Variants in PAEP observed in about 807,000 individuals in gnomAD.
PAEP encodes glycodelin.
In PAEP, 28 loss-of-function variants were observed where a neutral mutation model predicts 23.0. The observed-to-expected ratio is 1.22, with a 90% CI of 0.90 to 1.67. The LOEUF (loss-of-function observed/expected upper bound fraction) is 1.67, where lower values mean the gene tolerates loss of function less well. Ranked by LOEUF, PAEP falls within the 40% of genes most tolerant of loss-of-function variation. PAEP has a pLI of 0.00. For missense variants in PAEP, 209 were observed against 226.4 expected, an observed-to-expected ratio of 0.92 and a Z score of 0.49; for synonymous variants, 103 against 92.4, an observed-to-expected ratio of 1.12 and a Z score of -0.66.
intron 6 of PAEP, chr9:135,566,105 A>T (rs1316647264): frequency 2.4e-6 from 1 of 409,064 alleles, no homozygotes; most frequent in Non-Finnish European, 4.4e-6. Context: ...TAGGAGGAGG[A>T]AGGAGGATGG....
At chr9:135,565,677 C>T (rs1459456618) in intron 5 of PAEP, 108 bp from the exon 6 acceptor site, 2 of 1,424,760 alleles carry the variant, frequency 1.4e-6, no homozygotes, top group Non-Finnish European at 9.9e-7. Context: ...GAGGTGGGGT[C>T]CTGCCCTCTC....
intron 2 of PAEP, 111 bp downstream of exon 2, chr9:135,562,544 C>G: frequency 1.5e-6 from 2 of 1,332,504 alleles, no homozygotes; most frequent in Non-Finnish European, 2.1e-6. Context: ...CATTTTCTGA[C>G]AGCCAGGGGC....
chr9:135,564,037 C>T (rs917397955), intron 3 of PAEP, among the ~76,000 whole-genome samples: 3 of 152,232 alleles, frequency 2.0e-5, no homozygotes, highest in Non-Finnish European at 4.4e-5. Flanking sequence ...GCCTCTCCCC[C>T]TCAGCCGGGG....
In PAEP at chr9:135,565,514, G is replaced by A. The variant is rs1437461350; in HGVS notation, c.526G>A (p.Glu176Lys). 1.2e-6 allele frequency: 2 copies of A among 1,612,582 alleles called. No individual in the cohort carries two copies. Among genetic ancestry groups the A allele is most frequent in the East Asian group, 2.2e-5 (1 of 44,868 alleles). The change falls in exon 5 of 7, where the codon GAG (glutamate) becomes AAG (lysine). Residue 176 changes from glutamate to lysine, a missense_variant and splice_region_variant. Coordinates refer to ENST00000479141, the MANE Select transcript of PAEP (RefSeq NM_002571.4). ...CTTGCTGGACTTGAAACAGATGGAA[G>A]GTGAGCTCTGCCTAGGACACGCCCA... The part of the protein sequence containing the change: ...WYLLDLKQME[E>K]PCRF
chr9:135,562,026 G>T (rs758792430), intron 1 of PAEP, 129 bp downstream of exon 1: 1 of 791,284 alleles, frequency 1.3e-6, no homozygotes, highest in East Asian at 2.7e-5. Context: ...ACGTCAGGAA[G>T]CCCTCAGCCC....
intron 3 of PAEP, among the ~76,000 whole-genome samples, chr9:135,563,848 G>A (rs1374592261): frequency 6.6e-6 from 1 of 152,084 alleles, no homozygotes; most frequent in Non-Finnish European, 1.5e-5. Context: ...TTCTGACCCT[G>A]CTTGCCCTCC....
chr9:135,565,559 C>T, intron 5 of PAEP, 45 bp downstream of exon 5: 1 of 1,554,876 alleles, frequency 6.4e-7, no homozygotes. Context: ...GGAGGAGAAG[C>T]TGCCTCTTTC....
At chr9:135,565,855 TC>T (rs1832556191) in intron 6 of PAEP, 54 bp downstream of exon 6, 1 of 1,603,308 alleles carries the variant, frequency 6.2e-7, no homozygotes, top group Non-Finnish European at 8.5e-7. Flanking sequence ...TCGCCCACTG[TC>T]TGCGGCTGCC....
chr9:135,562,175 T>C, intron 1 of PAEP, 119 bp from the exon 2 acceptor site: 5 of 1,156,664 alleles, frequency 4.3e-6, no homozygotes, highest in Non-Finnish European at 6.1e-6. Flanking sequence ...ATCTGGTAGA[T>C]AGCAGACAAC....
intron 2 of PAEP, 93 bp downstream of exon 2, chr9:135,562,526 G>A: frequency 6.8e-7 from 1 of 1,469,572 alleles, no homozygotes. Flanking sequence ...GCTGGACTTA[G>A]CCCCAGGCAT....
Position 135,562,900 on chromosome 9 carries a change from G to T in PAEP, c.310+7G>T. Reference sequence around the variant, plus strand: ...AAGAAGTTCAAGATCAACTGTGAGTGTCCCCAGGCCCCAAGGGCTGGCTCA... The same window carrying T: ...AAGAAGTTCAAGATCAACTGTGAGTTTCCCCAGGCCCCAAGGGCTGGCTCA... On this transcript the variant is annotated splice_region_variant and intron_variant, in intron 3 of 6. Transcript: ENST00000479141. 1 of 1,610,700 alleles carries T rather than the reference G, an allele frequency of 6.2e-7. No homozygotes were observed. Among genetic ancestry groups the T allele is most frequent in the Middle Eastern group, 1.7e-4 (1 of 6,052 alleles).
intron 2 of PAEP, among the ~76,000 whole-genome samples, 182 bp downstream of exon 2, chr9:135,562,615 C>A (rs1832363274): frequency 6.6e-6 from 1 of 152,168 alleles, no homozygotes; most frequent in African/African-American, 2.4e-5. Context: ...GTTCCCTGTC[C>A]CCTTGGATCC....
chr9:135,565,623 C>G (rs773135393), intron 5 of PAEP, 109 bp downstream of exon 5: 1 of 1,360,212 alleles, frequency 7.4e-7, no homozygotes, highest in South Asian at 1.2e-5. Flanking sequence ...CTTTTTGGCC[C>G]CTCCCCTGTT....
intron 6 of PAEP, chr9:135,566,134 G>A: frequency 3.0e-6 from 1 of 327,932 alleles, no homozygotes; most frequent in Non-Finnish European, 5.6e-6. Context: ...AAGGGCATGA[G>A]AAGCTGGGGA....
intron 3 of PAEP, among the ~76,000 whole-genome samples, chr9:135,563,957 CT>C (rs1832456990): frequency 6.6e-6 from 1 of 152,176 alleles, no homozygotes; most frequent in African/African-American, 2.4e-5. Flanking sequence ...CCGTACGTGA[CT>C]TCTCAGTTGG....
chr9:135,565,974 C>A, intron 6 of PAEP, 173 bp downstream of exon 6: 2 of 729,572 alleles, frequency 2.7e-6, no homozygotes, highest in Admixed American at 2.1e-5. Context: ...TGCTGACGTC[C>A]CCATTCACGA....
At chr9:135,564,853 A>G (rs1832502932) in intron 4 of PAEP, 16 of 985,264 alleles carry the variant, frequency 1.6e-5, no homozygotes, top group Non-Finnish European at 1.9e-5. Flanking sequence ...CAAAGCAAGG[A>G]GCTGATATAG....
At position 135,562,384 on chromosome 9, in the gene PAEP, T is replaced by A; in HGVS notation, c.187T>A (p.Ser63Thr). ...LKAPLRVHIT[S>T]LLPTPEDNLE... ...GGCCCCTCTGAGGGTCCACATCACC[T>A]CACTGTTGCCCACCCCCGAGGACAA... The change falls in exon 2 of 7, where the codon TCA (serine) becomes ACA (threonine). Residue 63 changes from serine (S) to threonine (T), a missense_variant. By Grantham distance (58) the Ser-to-Thr change is moderately conservative. Transcript: ENST00000479141. 6.2e-7 allele frequency: 1 copy of A among 1,614,030 alleles called. No homozygotes were observed. The highest frequency in any genetic ancestry group is 8.5e-7 in the Non-Finnish European group (1 of 1,179,978).
Position 135,562,364 on chromosome 9 carries a change from C to T in PAEP, c.167C>T (p.Pro56Leu), listed in dbSNP as rs1832343038. 5.0e-6 allele frequency: 8 copies of T among 1,614,048 alleles called. No homozygotes were observed. Among genetic ancestry groups the T allele is most frequent in the African/African-American group, 2.7e-5 (2 of 74,936 alleles). ...TCCCTCATGGCGACACTGAAGGCCC[C>T]TCTGAGGGTCCACATCACCTCACTG... ...NISLMATLKA[P>L]LRVHITSLLP... The change falls in exon 2 of 7, where the codon CCT becomes CTT. Residue 56 changes from proline to leucine, a missense_variant. Physicochemically the swap from Pro to Leu is moderately conservative, Grantham distance 98. Transcript: ENST00000479141.
Sources: gnomAD v4.1 joint callset for allele counts (sites outside exome capture counted in the v4.1 genomes callset) on GRCh38, gnomAD v4.1.1 for gene constraint, MANE v1.5 for transcripts, NCBI Gene and HGNC (gene_info 2026-07-23, HGNC 2026-07-21) for gene names.